Variants in SPAG16 observed in about 807,000 individuals in gnomAD.
The protein encoded by SPAG16 is sperm-associated antigen 16 protein.
Under a neutral mutation model 80.4 loss-of-function variants are expected in SPAG16, and 86 were observed. The ratio of observed to expected loss-of-function variants is 1.07; its 90% confidence interval spans 0.90 to 1.28. SPAG16 has a LOEUF of 1.28. Among genes scored for constraint, SPAG16 ranks in the 50% most tolerant of loss-of-function variants. The pLI is 0.00. For missense variants in SPAG16, 870 were observed against 765.3 expected (o/e 1.14, Z -1.61); for synonymous variants, 294 against 265.9 (o/e 1.11, Z -1.03).
intron 10 of SPAG16, among the ~76,000 whole-genome samples, chr2:213,591,110 G>A (rs919948017): frequency 2.6e-5 from 4 of 152,074 alleles, no homozygotes; most frequent in African/African-American, 9.7e-5. Flanking sequence ...GAACATAATT[G>A]TACATTTTTG....
intron 10 of SPAG16, among the ~76,000 whole-genome samples, chr2:213,638,479 C>T (rs1409691603): frequency 6.6e-6 from 1 of 152,064 alleles, no homozygotes; most frequent in Non-Finnish European, 1.5e-5. Context: ...TTTTTAATTT[C>T]CATCTTGATT....
At chr2:213,330,359 C>A (rs911593875) in intron 5 of SPAG16, among the ~76,000 whole-genome samples, 2 of 152,220 alleles carry the variant, frequency 1.3e-5, no homozygotes, top group African/African-American at 4.8e-5. Context: ...CCCAAGACCA[C>A]AGGAGCCTAC....
rs538484121 is a variant in SPAG16 at position 213,847,191 on chromosome 2, C to A, written c.1071-15294C>A. Among the ~76,000 whole-genome samples, 7 of 152,272 alleles carry A rather than the reference C, an allele frequency of 4.6e-5. No individual in the cohort carries two copies. The South Asian group carries it at 1.5e-3, about 32-fold the overall frequency. On this transcript the variant is annotated intron_variant, in intron 10 of 15. Transcript: ENST00000331683. ...GACTGCTGTAATTAGACTAGACCCACCCCTCAGGATAATTTTCCTATTTTA... is the reference window on the plus strand; with the variant it reads ...GACTGCTGTAATTAGACTAGACCCAACCCTCAGGATAATTTTCCTATTTTA...
chr2:214,298,042 G>T (rs887849302), intron 15 of SPAG16, among the ~76,000 whole-genome samples: 10 of 148,090 alleles, frequency 6.8e-5, no homozygotes, highest in African/African-American at 2.5e-4. Flanking sequence ...TCTCCTTGTG[G>T]AGCTCTTTTA....
chr2:214,125,086 T>A lies in SPAG16; in HGVS notation c.1593+16825T>A, dbSNP rs183690440. 1.3e-4 allele frequency among the ~76,000 whole-genome samples: 19 copies of A among 151,782 alleles called. 1 individual carries two copies. The Admixed American group carries it at 1.3e-3, about 10-fold the overall frequency. ...TAGCAAATATTCCCTGACTTGTTAT[T>A]TGGGTGGTTGTGAAGTGAAAGAACC... On this transcript the variant is annotated intron_variant, in intron 14 of 15. Transcript: ENST00000331683.
At chr2:213,958,375 C>T (rs1386287797) in intron 12 of SPAG16, among the ~76,000 whole-genome samples, 1 of 151,980 alleles carries the variant, frequency 6.6e-6, no homozygotes, top group Non-Finnish European at 1.5e-5. Flanking sequence ...TAAACTCCTC[C>T]CAGTTCCTCA....
chr2:213,607,838 T>C (rs1365957010), intron 10 of SPAG16, among the ~76,000 whole-genome samples: 1 of 152,234 alleles, frequency 6.6e-6, no homozygotes, highest in Non-Finnish European at 1.5e-5. Flanking sequence ...TGATAATTTG[T>C]CAGGTGCAAC....
At chr2:213,742,934 C>T (rs1322280889) in intron 10 of SPAG16, among the ~76,000 whole-genome samples, 3 of 150,616 alleles carry the variant, frequency 2.0e-5, no homozygotes, top group Non-Finnish European at 2.9e-5. Flanking sequence ...GACGGAGTCT[C>T]GCTCTGTCGC....
chr2:213,905,890 G>A (rs995455680), intron 11 of SPAG16, among the ~76,000 whole-genome samples: 22 of 152,178 alleles, frequency 1.4e-4, no homozygotes, highest in African/African-American at 5.1e-4. Context: ...CAGAGGCAGA[G>A]AATGTGCCTA....
intron 9 of SPAG16, among the ~76,000 whole-genome samples, chr2:213,389,319 A>T (rs1394669175): frequency 6.6e-6 from 1 of 152,166 alleles, no homozygotes; most frequent in African/African-American, 2.4e-5. Flanking sequence ...TCTCAGAAGA[A>T]AATATAGGAC....
At chr2:214,205,667 C>T (rs1197390157) in intron 15 of SPAG16, among the ~76,000 whole-genome samples, 1 of 152,022 alleles carries the variant, frequency 6.6e-6, no homozygotes, top group African/African-American at 2.4e-5. Context: ...AATAATACAT[C>T]AAAATATGCT....
chr2:213,313,478 A>G (rs1262922037), intron 4 of SPAG16, among the ~76,000 whole-genome samples: 5 of 151,752 alleles, frequency 3.3e-5, no homozygotes, highest in Non-Finnish European at 5.9e-5. Flanking sequence ...TTTTACGGGT[A>G]AGGAAAGGGG....
At chr2:213,967,071 C>A (rs749478456) in intron 12 of SPAG16, among the ~76,000 whole-genome samples, 2 of 152,164 alleles carry the variant, frequency 1.3e-5, no homozygotes, top group South Asian at 4.1e-4. Flanking sequence ...CAATCTAATT[C>A]TATTTTTTTC....
At chr2:213,537,753 T>C (rs2076300682) in intron 10 of SPAG16, among the ~76,000 whole-genome samples, 1 of 152,216 alleles carries the variant, frequency 6.6e-6, no homozygotes, top group Admixed American at 6.5e-5. Context: ...TTCTTGGTTT[T>C]ACAGTCTGTT....
Position 213,984,585 on chromosome 2 carries a change from G to A in SPAG16, c.1401-29366G>A, listed in dbSNP as rs1400996618. 2.6e-5 allele frequency among the ~76,000 whole-genome samples: 4 copies of A among 152,210 alleles called. No individual in the cohort carries two copies. In the South Asian group the frequency reaches 6.2e-4, roughly 24 times the overall value. On this transcript the variant is annotated intron_variant, in intron 12 of 15. Transcript: ENST00000331683. Reference sequence around the variant, plus strand: ...CATGGGACATGGGAAGCAGTCAGTGGATCACCTTAGTTCAAGAATCCTCTG... The same window carrying A: ...CATGGGACATGGGAAGCAGTCAGTGAATCACCTTAGTTCAAGAATCCTCTG...
At chr2:214,096,096 GA>G (rs2052569339) in intron 13 of SPAG16, among the ~76,000 whole-genome samples, 1 of 151,896 alleles carries the variant, frequency 6.6e-6, no homozygotes, top group African/African-American at 2.4e-5. Context: ...TATTTGCTCT[GA>G]GATTTCATTC....
intron 13 of SPAG16, among the ~76,000 whole-genome samples, chr2:214,056,077 T>C (rs2049922692): frequency 6.6e-6 from 1 of 152,156 alleles, no homozygotes; most frequent in African/African-American, 2.4e-5. Flanking sequence ...AGCTATTAAA[T>C]GGAATATAGA....
intron 12 of SPAG16, among the ~76,000 whole-genome samples, chr2:213,953,423 A>C (rs1469669657): frequency 6.6e-6 from 1 of 151,884 alleles, no homozygotes. Flanking sequence ...ATAAAAAAGT[A>C]ATATGTCAAA....
intron 10 of SPAG16, among the ~76,000 whole-genome samples, chr2:213,715,566 G>A (rs2066206995): frequency 6.6e-6 from 1 of 152,130 alleles, no homozygotes; most frequent in Non-Finnish European, 1.5e-5. Flanking sequence ...TGAAATATCA[G>A]TACCTTCCTC....
Sources: allele counts gnomAD v4.1 joint callset (sites outside exome capture counted in the v4.1 genomes callset), GRCh38; gene constraint gnomAD v4.1.1; transcripts MANE v1.5; gene names NCBI Gene and HGNC (gene_info 2026-07-23, HGNC 2026-07-21).